The following RGS6 variants were observed in gnomAD, a reference collection of about 807,000 sequenced individuals.
RGS6 encodes regulator of G-protein signaling 6.
A neutral mutation model predicts 78.5 loss-of-function variants in RGS6; 30 were observed. The observed-to-expected ratio is 0.38, with a 90% CI of 0.29 to 0.52. The LOEUF (loss-of-function observed/expected upper bound fraction) is 0.52, where lower values mean the gene tolerates loss of function less well. Among genes scored for constraint, RGS6 ranks in the 20% least tolerant of loss-of-function variants. RGS6 has a pLI of 0.85. For missense variants in RGS6, 495 were observed against 609.7 expected, an observed-to-expected ratio of 0.81 and a Z score of 1.98; for synonymous variants, 206 against 206.0, an observed-to-expected ratio of 1.00 and a Z score of 0.00.
At chr14:71,963,895 CA>C (rs1435056661) in intron 1 of RGS6, among the ~76,000 whole-genome samples, 7 of 152,150 alleles carry the variant, frequency 4.6e-5, no homozygotes, top group Non-Finnish European at 1.0e-4. Context: ...ATTGCTAGAT[CA>C]TATGGTAATT....
At chr14:72,600,908 C>A in the RGS6 span, among the ~76,000 whole-genome samples, 1 of 152,006 alleles carries the variant, frequency 6.6e-6, no homozygotes, top group Non-Finnish European at 1.5e-5. Flanking sequence ...CTGTAGCCCT[C>A]CCCTGGCTGC....
chr14:72,171,746 T>G (rs1441583280), intron 2 of RGS6, among the ~76,000 whole-genome samples: 1 of 152,246 alleles, frequency 6.6e-6, no homozygotes. Flanking sequence ...CTGCAAAGTG[T>G]GAGTTCAATT....
rs552484920 is a variant in RGS6, at chr14:72,537,433, C to A, written c.1368+1158C>A. 1.2e-4 allele frequency: 84 copies of A among 701,686 alleles called. 1 individual carries two copies. In the South Asian group the frequency reaches 1.2e-3, roughly 10 times the overall value. The allele number at this position is 701,686 out of a possible 1,614,324, so 43.5% of individuals were successfully genotyped here. On this transcript the variant is annotated intron_variant, in intron 16 of 17. Coordinates refer to ENST00000553525, the MANE Select transcript of RGS6 (RefSeq NM_001204424.2). Reference sequence around the variant, plus strand: ...GCCCTTGTGTAGCCCTGGAAAGAGGCCATGGAGTCTGAGAAAGGAAAGAGG... The same window carrying A: ...GCCCTTGTGTAGCCCTGGAAAGAGGACATGGAGTCTGAGAAAGGAAAGAGG...
intron 3 of RGS6, among the ~76,000 whole-genome samples, chr14:72,408,837 G>T (rs995451231): frequency 6.6e-5 from 10 of 152,146 alleles, no homozygotes; most frequent in East Asian, 3.8e-4. Flanking sequence ...AAAAATGATG[G>T]GAGGATGGAG....
intron 3 of RGS6, among the ~76,000 whole-genome samples, chr14:72,356,398 C>A (rs112128378): frequency 2.2e-4 from 34 of 152,242 alleles, no homozygotes; most frequent in African/African-American, 7.9e-4. Flanking sequence ...CTGAGGCCTC[C>A]GCAGCCATGT....
At chr14:72,019,034 T>G (rs2087746623) in intron 2 of RGS6, among the ~76,000 whole-genome samples, 2 of 151,960 alleles carry the variant, frequency 1.3e-5, no homozygotes, top group Non-Finnish European at 2.9e-5. Flanking sequence ...AAAACCCAAA[T>G]AAAACAAAAA....
Position 72,051,924 on chromosome 14 carries a change from CCTCT to C in RGS6, c.84+87050_84+87053del, listed in dbSNP as rs2093272423. On this transcript the variant is annotated intron_variant, in intron 2 of 17. Coordinates refer to ENST00000553525, the MANE Select transcript of RGS6 (RefSeq NM_001204424.2). ...TCCTGCAACCCTAATCTCCTTCCTT[CCTCT>C]ATAGATTCTAGTCTATCTAAGAAAT... Among the ~76,000 whole-genome samples the C allele has an allele frequency of 2.7e-5, 4 of 149,532 alleles. No individual in the cohort carries two copies. The Admixed American group carries it at 2.7e-4, about 10-fold the overall frequency.
intron 1 of RGS6, among the ~76,000 whole-genome samples, chr14:71,939,008 A>G (rs967367670): frequency 1.3e-5 from 2 of 152,190 alleles, no homozygotes; most frequent in South Asian, 2.1e-4. Flanking sequence ...CTGCTGGATC[A>G]TATGTCCCAA....
chr14:72,102,693 G>A (rs796589855), intron 2 of RGS6, among the ~76,000 whole-genome samples: 3 of 152,070 alleles, frequency 2.0e-5, no homozygotes, highest in Admixed American at 1.3e-4. Flanking sequence ...GTTTTCACAC[G>A]TACACAATGA....
At chr14:72,600,727 G>T in the RGS6 span, among the ~76,000 whole-genome samples, 2 of 152,148 alleles carry the variant, frequency 1.3e-5, no homozygotes, top group African/African-American at 2.4e-5. Context: ...CATACCAGCT[G>T]CACTTCCTCA....
intron 3 of RGS6, among the ~76,000 whole-genome samples, chr14:72,452,201 A>G (rs1487715444): frequency 6.7e-6 from 1 of 149,896 alleles, no homozygotes; most frequent in Non-Finnish European, 1.5e-5. Context: ...ACACACAGGC[A>G]CATGTACACA....
At chr14:72,377,446 G>A (rs2085042344) in intron 3 of RGS6, among the ~76,000 whole-genome samples, 1 of 151,860 alleles carries the variant, frequency 6.6e-6, no homozygotes, top group African/African-American at 2.4e-5. Context: ...TACAATAATA[G>A]TTGGGGACTT....
At chr14:72,066,889 C>T (rs894843599) in intron 2 of RGS6, among the ~76,000 whole-genome samples, 2 of 151,560 alleles carry the variant, frequency 1.3e-5, no homozygotes, top group African/African-American at 4.9e-5. Flanking sequence ...TCCAAAGTCC[C>T]TTATCCAAAA....
In RGS6 at chr14:72,563,155, G is replaced by A. The variant is rs754725803; in HGVS notation, c.*688G>A. The stretch of plus-strand genomic sequence containing the variant: ...AGCCCGGTGGCTGCCCTCAGGTCCC[G>A]TCACATGTCTCAAGGGTCCAGCGTT... On this transcript the variant is annotated 3_prime_UTR_variant, in exon 18 of 18. Coordinates refer to ENST00000553525, the MANE Select transcript of RGS6 (RefSeq NM_001204424.2). 8.5e-5 allele frequency: 22 copies of A among 258,778 alleles called. No homozygotes were observed. Among genetic ancestry groups the A allele is most frequent in the Non-Finnish European group, 1.5e-4 (19 of 130,402 alleles). The allele number at this position is 258,778 out of a possible 1,614,324, so 16.0% of individuals were successfully genotyped here.
intron 2 of RGS6, among the ~76,000 whole-genome samples, chr14:72,011,438 C>T (rs937967586): frequency 1.3e-5 from 2 of 152,158 alleles, no homozygotes; most frequent in African/African-American, 4.8e-5. Flanking sequence ...CTCTTGCTTT[C>T]CTGCCTCCAT....
At chr14:71,992,572 G>C (rs1791913694) in intron 2 of RGS6, among the ~76,000 whole-genome samples, 1 of 152,180 alleles carries the variant, frequency 6.6e-6, no homozygotes, top group South Asian at 2.1e-4. Context: ...ATTTGCCTAA[G>C]GTTAGATGGT....
chr14:72,555,800 C>T (rs1378263843), intron 17 of RGS6, among the ~76,000 whole-genome samples: 1 of 152,240 alleles, frequency 6.6e-6, no homozygotes, highest in African/African-American at 2.4e-5. Flanking sequence ...AGTGCGGGTG[C>T]TTGTAAAATG....
At chr14:71,998,619 A>T (rs1171193534) in intron 2 of RGS6, among the ~76,000 whole-genome samples, 1 of 152,242 alleles carries the variant, frequency 6.6e-6, no homozygotes, top group African/African-American at 2.4e-5. Context: ...GAACAGTCAA[A>T]TAGAAGCCAA....
intron 2 of RGS6, among the ~76,000 whole-genome samples, chr14:72,136,158 C>T (rs8013735): frequency 0.086 from 13,067 of 152,164 alleles, 1,559 homozygotes; most frequent in African/African-American, 0.27. Flanking sequence ...AGTGGACTGA[C>T]ACCACCTTTC....
Sources: gnomAD v4.1 joint callset for allele counts (sites outside exome capture counted in the v4.1 genomes callset) on GRCh38, gnomAD v4.1.1 for gene constraint, MANE v1.5 for transcripts, NCBI Gene and HGNC (gene_info 2026-07-23, HGNC 2026-07-21) for gene names.